SLC35F5: variants seen among roughly 807,000 people sequenced by gnomAD.
The protein encoded by SLC35F5 is HCV NS5A-transactivated protein 3.
In SLC35F5, 54 loss-of-function variants were observed where a neutral mutation model predicts 68.6. The ratio of observed to expected loss-of-function variants is 0.79; its 90% CI spans 0.63 to 0.99. SLC35F5 has a LOEUF of 0.99. Among genes scored for constraint, SLC35F5 ranks in the 50% least tolerant of loss-of-function variants. The pLI, the probability that SLC35F5 is intolerant of heterozygous loss-of-function variation, is 0.00. For missense variants in SLC35F5, 567 were observed against 626.9 expected (o/e 0.90, Z 1.02); for synonymous variants, 211 against 205.2 (o/e 1.03, Z -0.24).
intron 13 of SLC35F5, 134 bp downstream of exon 13, chr2:113,722,970 A>G (rs992908337): frequency 7.8e-6 from 4 of 510,850 alleles, no homozygotes; most frequent in Admixed American, 3.8e-5. Context: ...TCTATGTAGT[A>G]AAGCACCTTG....
chr2:113,738,619 A>G (rs914180463), intron 7 of SLC35F5, among the ~76,000 whole-genome samples: 1 of 151,956 alleles, frequency 6.6e-6, no homozygotes, highest in Admixed American at 6.6e-5. Context: ...AGTAAGAGAT[A>G]TTCTTGATAA....
At chr2:113,728,284 A>G (rs1322237218) in intron 11 of SLC35F5, among the ~76,000 whole-genome samples, 2 of 152,108 alleles carry the variant, frequency 1.3e-5, no homozygotes, top group East Asian at 3.9e-4. Context: ...TTAGTTTTAA[A>G]ATAGTTTTAA....
chr2:113,750,523 T>C lies in SLC35F5; in HGVS notation c.319A>G (p.Lys107Glu), dbSNP rs759775573. 1.9e-6 allele frequency: 3 copies of C among 1,613,474 alleles called. No individual in the cohort carries two copies. In the East Asian group the frequency reaches 6.7e-5, roughly 36 times the overall value. ...AGGTACAAAACAAACATAGATGTTT[T>C]TGCAAAGGTGCTGAAGAATGGTTTG... Reference protein sequence around the residue: ...YNKPFFSTFAKTSMFVLYLLG... With the variant: ...YNKPFFSTFAETSMFVLYLLG... The change falls in exon 4 of 16, where the codon AAA becomes GAA. Residue 107 changes from lysine (K) to glutamate (E), a missense_variant. Lys to Glu is a moderately conservative substitution (Grantham distance 56). Transcript: ENST00000245680.
At position 113,753,162 on chromosome 2, in the gene SLC35F5, G is replaced by GTTTTTTTTTTTT. The variant is rs143010470; in HGVS notation, c.273+2002_273+2003insAAAAAAAAAAAA. On this transcript the variant is annotated intron_variant, in intron 3 of 15. Coordinates refer to ENST00000245680, the MANE Select transcript of SLC35F5 (RefSeq NM_025181.5). ...AATACACACTTTATCTCCAAAGTTTGTTTTTCTTTTTTTTTTTTTTTTTTT... is the reference window on the plus strand; with the variant it reads ...AATACACACTTTATCTCCAAAGTTTGTTTTTTTTTTTTTTTTTCTTTTTTTTTTTTTTTTTTT... 2.2e-3 allele frequency among the ~76,000 whole-genome samples: 112 copies of GTTTTTTTTTTTT among 50,532 alleles called. 6 individuals carry two copies. The highest frequency in any genetic ancestry group is 3.7e-3 in the Non-Finnish European group (92 of 25,000). 33.2% of individuals were successfully genotyped at this position (50,532 alleles called of 152,430 possible).
intron 12 of SLC35F5, 91 bp downstream of exon 12, chr2:113,725,287 G>A: frequency 1.6e-6 from 2 of 1,227,878 alleles, no homozygotes; most frequent in Non-Finnish European, 2.3e-6. Context: ...GGGGTGCACA[G>A]GAAGGGCCAC....
At chr2:113,734,087 G>A (rs1687995527) in intron 9 of SLC35F5, among the ~76,000 whole-genome samples, 1 of 152,186 alleles carries the variant, frequency 6.6e-6, no homozygotes, top group Admixed American at 6.5e-5. Flanking sequence ...TTTAAGTATA[G>A]TTATCAGCAA....
intron 3 of SLC35F5, among the ~76,000 whole-genome samples, chr2:113,753,929 G>C (rs1644411690): frequency 6.6e-6 from 1 of 152,150 alleles, no homozygotes; most frequent in South Asian, 2.1e-4. Context: ...AAGAAGGTTA[G>C]AGAAGAGTTT....
intron 12 of SLC35F5, among the ~76,000 whole-genome samples, chr2:113,723,652 T>C (rs1344943276): frequency 6.6e-6 from 1 of 152,180 alleles, no homozygotes; most frequent in Non-Finnish European, 1.5e-5. Context: ...CTCACCTTCA[T>C]GAACACTAAA....
At chr2:113,717,924 T>C (rs1687241076) in intron 14 of SLC35F5, 74 bp from the exon 15 acceptor site, 6 of 1,043,954 alleles carry the variant, frequency 5.7e-6, no homozygotes, top group Non-Finnish European at 1.4e-6. Context: ...ATTTATTCCA[T>C]TGCCTGAAGC....
intron 10 of SLC35F5, among the ~76,000 whole-genome samples, chr2:113,731,060 CATTAT>C (rs1212928384): frequency 2.6e-5 from 4 of 152,106 alleles, no homozygotes; most frequent in Non-Finnish European, 5.9e-5. Flanking sequence ...ATATCACTTC[CATTAT>C]ATTCTTACCA....
chr2:113,743,994 C>A, intron 5 of SLC35F5, 200 bp from the exon 6 acceptor site: 1 of 401,876 alleles, frequency 2.5e-6, no homozygotes, highest in Non-Finnish European at 4.4e-6. Flanking sequence ...AATCAGTTTA[C>A]AGTTTAGCAA....
chr2:113,707,922 C>T lies in SLC35F5; in HGVS notation c.*7296G>A, dbSNP rs774970748. ...ACCTTTATACTACAATGTATCCTGG[C>T]ACTTATTTTTTTTAAACCATTATCA... is the stretch of plus-strand genomic sequence containing the variant. On this transcript the variant is annotated 3_prime_UTR_variant, in exon 16 of 16. Coordinates refer to ENST00000245680, the MANE Select transcript of SLC35F5 (RefSeq NM_025181.5). 6.6e-6 allele frequency among the ~76,000 whole-genome samples: 1 copy of T among 152,104 alleles called. No homozygotes were observed. Among genetic ancestry groups the T allele is most frequent in the Non-Finnish European group, 1.5e-5 (1 of 68,020 alleles).
chr2:113,731,938 T>C (rs1290239856), intron 9 of SLC35F5, among the ~76,000 whole-genome samples: 2 of 152,102 alleles, frequency 1.3e-5, no homozygotes, highest in African/African-American at 2.4e-5. Flanking sequence ...AGAGGTAAGG[T>C]AACTTGACCA....
chr2:113,751,487 G>A (rs1676736101), intron 3 of SLC35F5, among the ~76,000 whole-genome samples: 1 of 152,168 alleles, frequency 6.6e-6, no homozygotes, highest in Non-Finnish European at 1.5e-5. Context: ...GGACGTAAAT[G>A]GTGGTCCACG....
At chr2:113,718,894 AAAG>A (rs1559317752) in intron 14 of SLC35F5, among the ~76,000 whole-genome samples, 2 of 57,860 alleles carry the variant, frequency 3.5e-5, no homozygotes, top group Non-Finnish European at 5.0e-5. Context: ...AGAAAGAAAG[AAAG>A]AAAGAAAGAA....
chr2:113,743,767 A>T lies in SLC35F5; in HGVS notation c.508T>A (p.Phe170Ile). 6.2e-7 allele frequency: 1 copy of T among 1,611,202 alleles called. No homozygotes were observed. Among genetic ancestry groups the T allele is most frequent in the Non-Finnish European group, 8.5e-7 (1 of 1,178,532 alleles). The change falls in exon 6 of 16, where the codon TTC (phenylalanine) becomes ATC (isoleucine). Residue 170 changes from phenylalanine (F) to isoleucine (I), a missense_variant. Transcript: ENST00000245680. ...LSEPLYVPVK[F>I]HDLPSEKPES... ...GGTTTTTCACTTGGAAGATCATGGA[A>T]TTTCACAGGCACATACAGAGGTTCA...
rs1244757171 is a variant in SLC35F5, at chr2:113,706,774, A to T, written c.*8444T>A. ...CTAGAAATCAAATATTTGTATAAGG[A>T]CAGATTTGAGGTTTTTCTGTACTTT... On this transcript the variant is annotated 3_prime_UTR_variant, in exon 16 of 16. Transcript: ENST00000245680. Among the ~76,000 whole-genome samples the T allele has an allele frequency of 1.3e-5, 2 of 152,202 alleles. No individual in the cohort carries two copies. The highest frequency in any genetic ancestry group is 2.9e-5 in the Non-Finnish European group (2 of 68,032).
At chr2:113,740,774 AC>A (rs2104457933) in intron 7 of SLC35F5, among the ~76,000 whole-genome samples, 1 of 152,088 alleles carries the variant, frequency 6.6e-6, no homozygotes, top group East Asian at 1.9e-4. Context: ...CTACAGGTGC[AC>A]ACCACCATGC....
chr2:113,737,122 G>T (rs921821058), intron 7 of SLC35F5, among the ~76,000 whole-genome samples: 32 of 152,188 alleles, frequency 2.1e-4, no homozygotes, highest in African/African-American at 7.7e-4. Context: ...TTGACTCGAA[G>T]AGTTATTCCA....
Sources: gnomAD v4.1 joint callset for allele counts (sites outside exome capture counted in the v4.1 genomes callset) on GRCh38, gnomAD v4.1.1 for gene constraint, MANE v1.5 for transcripts, NCBI Gene and HGNC (gene_info 2026-07-23, HGNC 2026-07-21) for gene names.